The following SNX30 variants were observed in gnomAD, a reference collection of about 807,000 sequenced individuals.
The protein encoded by SNX30 is sorting nexin family member 30, also known as sorting nexin-30.
Under a neutral mutation model 46.4 loss-of-function variants are expected in SNX30, and 24 were observed. That is an observed-to-expected ratio of 0.52 (90% CI 0.37 to 0.73). The LOEUF (loss-of-function observed/expected upper bound fraction) is 0.73. Ranked by LOEUF, SNX30 falls within the 30% of genes least tolerant of loss-of-function variation. The pLI, the probability that SNX30 is intolerant of heterozygous loss-of-function variation, is 0.00. For synonymous variants in SNX30, 189 were observed against 211.5 expected (o/e 0.89, Z 0.92); for missense variants, 533 against 555.7 (o/e 0.96, Z 0.41).
chr9:112,798,286 A>T (rs1588120450), intron 1 of SNX30, among the ~76,000 whole-genome samples: 1 of 53,894 alleles, frequency 1.9e-5, no homozygotes, highest in Non-Finnish European at 3.6e-5. Context: ...CCCTCCCCCG[A>T]CCCCACCACA....
intron 2 of SNX30, among the ~76,000 whole-genome samples, chr9:112,807,562 T>A (rs1840250422): frequency 6.6e-6 from 1 of 152,212 alleles, no homozygotes; most frequent in Non-Finnish European, 1.5e-5. Context: ...TTATTTATTT[T>A]TTTCTAGGGT....
chr9:112,819,266 C>CT (rs35138610), intron 3 of SNX30, among the ~76,000 whole-genome samples: 18,161 of 116,924 alleles, frequency 0.16, 1,997 homozygotes, highest in African/African-American at 0.23. Context: ...TTCTTTCTTT[C>CT]TTTTTTTTTT....
intron 8 of SNX30, among the ~76,000 whole-genome samples, chr9:112,865,661 A>ATATATATATATATATATATGTGTG: frequency 9.5e-6 from 1 of 105,686 alleles, no homozygotes; most frequent in East Asian, 2.8e-4. Context: ...ATATATATAT[A>ATATATATATATATATATATGTGTG]TGTATGTATG....
intron 3 of SNX30, among the ~76,000 whole-genome samples, chr9:112,820,585 A>G (rs1046284409): frequency 2.6e-5 from 4 of 152,236 alleles, no homozygotes; most frequent in Non-Finnish European, 2.9e-5. Context: ...GTACAATTCA[A>G]AGGCTTTTAG....
At chr9:112,810,425 A>G (rs1329259601) in intron 2 of SNX30, among the ~76,000 whole-genome samples, 1 of 152,054 alleles carries the variant, frequency 6.6e-6, no homozygotes, top group Non-Finnish European at 1.5e-5. Context: ...CAACATTTAG[A>G]TATTGCTGTA....
chr9:112,812,973 C>T (rs1182494964), intron 2 of SNX30, among the ~76,000 whole-genome samples: 1 of 151,708 alleles, frequency 6.6e-6, no homozygotes, highest in Non-Finnish European at 1.5e-5. Context: ...ATGGTGAAAC[C>T]CCGTCTCTAC....
At chr9:112,752,355 C>A (rs929568082) in intron 1 of SNX30, among the ~76,000 whole-genome samples, 1 of 152,146 alleles carries the variant, frequency 6.6e-6, no homozygotes, top group Admixed American at 6.6e-5. Flanking sequence ...GTGGCTCACA[C>A]CTGTAATACC....
chr9:112,773,718 G>A (rs917455715), intron 1 of SNX30, among the ~76,000 whole-genome samples: 2 of 152,144 alleles, frequency 1.3e-5, no homozygotes, highest in African/African-American at 2.4e-5. Flanking sequence ...TACATAAATT[G>A]TGGAGAAGAA....
At chr9:112,764,847 G>C (rs2131355770) in intron 1 of SNX30, among the ~76,000 whole-genome samples, 1 of 152,354 alleles carries the variant, frequency 6.6e-6, no homozygotes, top group South Asian at 2.1e-4. Flanking sequence ...GCTGGAACCA[G>C]GGGTCTGAAT....
intron 1 of SNX30, among the ~76,000 whole-genome samples, chr9:112,766,992 T>G (rs181358828): frequency 1.3e-5 from 2 of 152,322 alleles, no homozygotes; most frequent in Non-Finnish European, 2.9e-5. Flanking sequence ...GCAGATCATG[T>G]GATAACCTGT....
At chr9:112,865,661 A>ATATATG in intron 8 of SNX30, among the ~76,000 whole-genome samples, 1,499 of 105,532 alleles carry the variant, frequency 0.014, 102 homozygotes, top group Non-Finnish European at 0.02. Flanking sequence ...ATATATATAT[A>ATATATG]TGTATGTATG....
intron 1 of SNX30, among the ~76,000 whole-genome samples, chr9:112,758,329 GCTCT>G (rs556513416): frequency 7.7e-4 from 116 of 151,572 alleles, no homozygotes; most frequent in Non-Finnish European, 1.5e-3. Context: ...CTCAAGTTGC[GCTCT>G]CTCTTTTTTT....
chr9:112,843,043 A>G (rs536344323), intron 6 of SNX30, among the ~76,000 whole-genome samples: 6 of 152,166 alleles, frequency 3.9e-5, no homozygotes, highest in Non-Finnish European at 8.8e-5. Flanking sequence ...TAGGGTAGTG[A>G]TGGGTTGAAA....
At chr9:112,765,867 G>T (rs56911435) in intron 1 of SNX30, among the ~76,000 whole-genome samples, 2 of 151,880 alleles carry the variant, frequency 1.3e-5, no homozygotes, top group Non-Finnish European at 2.9e-5. Context: ...GCAGTGGCGC[G>T]ATCTCAGCTC....
At chr9:112,772,993 T>C (rs762351155) in intron 1 of SNX30, among the ~76,000 whole-genome samples, 7 of 152,242 alleles carry the variant, frequency 4.6e-5, no homozygotes, top group Non-Finnish European at 1.0e-4. Context: ...AATCTGTTAA[T>C]TGTGAGAAAC....
chr9:112,790,252 A>G (rs1588116854), intron 1 of SNX30, among the ~76,000 whole-genome samples: 1 of 152,378 alleles, frequency 6.6e-6, no homozygotes, highest in African/African-American at 2.4e-5. Flanking sequence ...CCTACTTTTT[A>G]TATCACTGTG....
rs188594397 is a variant in SNX30, at chr9:112,867,292, C to A, written c.1255-1492C>A. 1.2e-3 allele frequency among the ~76,000 whole-genome samples: 177 copies of A among 149,732 alleles called. 1 individual carries two copies. Among genetic ancestry groups the A allele is most frequent in the Admixed American group, 2.3e-3 (35 of 15,140 alleles). On this transcript the variant is annotated intron_variant, in intron 8 of 8. Coordinates refer to ENST00000374232, the MANE Select transcript of SNX30 (RefSeq NM_001012994.2). ...CTCCTGCCTCCTCAGGATTCCTCCT[C>A]CCTCCTCAGAACTCCTCCCACCTCC...
chr9:112,848,546 G>T (rs1840974364), intron 6 of SNX30, among the ~76,000 whole-genome samples: 1 of 152,164 alleles, frequency 6.6e-6, no homozygotes, highest in Admixed American at 6.5e-5. Context: ...CCTTGAACAG[G>T]GCCCGCCACC....
chr9:112,775,659 G>T (rs1444634873), intron 1 of SNX30, among the ~76,000 whole-genome samples: 3 of 149,968 alleles, frequency 2.0e-5, no homozygotes, highest in Non-Finnish European at 4.4e-5. Context: ...TTTTGCCCAG[G>T]GCCTAGCATC....
Sources: gnomAD v4.1 joint callset for allele counts (sites outside exome capture counted in the v4.1 genomes callset) on GRCh38, gnomAD v4.1.1 for gene constraint, MANE v1.5 for transcripts, NCBI Gene and HGNC (gene_info 2026-07-23, HGNC 2026-07-21) for gene names.